Variants in LRP1B observed in about 807,000 individuals in gnomAD.
The protein encoded by LRP1B is LDL receptor related protein 1B.
Under a neutral mutation model 556.6 loss-of-function variants are expected in LRP1B, and 217 were observed. The ratio of observed to expected loss-of-function variants is 0.39; its 90% confidence interval spans 0.35 to 0.44. The LOEUF is 0.44. Ranked by LOEUF, LRP1B falls within the 20% of genes least tolerant of loss-of-function variation. LRP1B has a pLI of 1.00. For missense variants in LRP1B, 5,053 were observed against 5,620.8 expected, an observed-to-expected ratio of 0.90 and a Z score of 3.23; for synonymous variants, 2,047 against 1,865.8, an observed-to-expected ratio of 1.10 and a Z score of -2.50.
rs535444462 is a variant in LRP1B at position 140,759,865 on chromosome 2, C to G, written c.5758+9348G>C. Among the ~76,000 whole-genome samples the G allele has an allele frequency of 7.9e-5, 12 of 152,254 alleles. 1 individual carries two copies. Among genetic ancestry groups the G allele is most frequent in the Admixed American group, 7.8e-4 (12 of 15,290 alleles). On this transcript the variant is annotated intron_variant, in intron 35 of 90. Coordinates refer to ENST00000389484, the MANE Select transcript of LRP1B (RefSeq NM_018557.3). ...GCATACAAATACAAATGCACAAATA[C>G]AAATACACAATTTCCCAGGCAATCC...
chr2:141,168,026 A>T (rs779610494), intron 7 of LRP1B, among the ~76,000 whole-genome samples: 1 of 152,092 alleles, frequency 6.6e-6, no homozygotes, highest in Non-Finnish European at 1.5e-5. Context: ...AATGGAAAGT[A>T]TAGTATAATA....
chr2:140,824,749 T>C (rs1009794923), intron 31 of LRP1B, among the ~76,000 whole-genome samples: 2 of 152,134 alleles, frequency 1.3e-5, no homozygotes, highest in Non-Finnish European at 2.9e-5. Flanking sequence ...TGAATCCATA[T>C]CCAGGTCACC....
chr2:141,137,979 T>C (rs1262137678), intron 7 of LRP1B, among the ~76,000 whole-genome samples: 1 of 151,694 alleles, frequency 6.6e-6, no homozygotes, highest in Admixed American at 6.6e-5. Context: ...CAGACAAAAG[T>C]GTTATAAAAA....
intron 2 of LRP1B, among the ~76,000 whole-genome samples, chr2:141,749,295 G>C (rs112749133): frequency 8.0e-4 from 122 of 152,134 alleles, no homozygotes; most frequent in Non-Finnish European, 1.5e-3. Context: ...TTTACTAAGG[G>C]CACCCTATTG....
At chr2:141,456,009 T>C (rs79862258) in intron 3 of LRP1B, among the ~76,000 whole-genome samples, 4,215 of 152,248 alleles carry the variant, frequency 0.028, 92 homozygotes, top group Middle Eastern at 0.065. Flanking sequence ...TCTGGCTGAG[T>C]ACAAACAGCA....
chr2:141,770,607 C>T (rs1309284079), intron 2 of LRP1B, among the ~76,000 whole-genome samples: 2 of 152,160 alleles, frequency 1.3e-5, no homozygotes, highest in African/African-American at 4.8e-5. Context: ...AACATGTTCT[C>T]TTTCCAAAAG....
chr2:140,934,192 T>G (rs1292121487), intron 20 of LRP1B, among the ~76,000 whole-genome samples: 1 of 151,794 alleles, frequency 6.6e-6, no homozygotes, highest in Non-Finnish European at 1.5e-5. Context: ...TAAAAGTAAA[T>G]AGTCAAAAAA....
intron 7 of LRP1B, among the ~76,000 whole-genome samples, chr2:141,174,942 C>T (rs191496777): frequency 6.6e-6 from 1 of 152,180 alleles, no homozygotes; most frequent in East Asian, 1.9e-4. Context: ...TAGGAACTTA[C>T]TGGGAACTAG....
At chr2:140,768,365 A>G (rs1280966938) in intron 35 of LRP1B, among the ~76,000 whole-genome samples, 6 of 152,058 alleles carry the variant, frequency 3.9e-5, no homozygotes, top group Admixed American at 3.3e-4. Context: ...TTTTAACATT[A>G]GATCAAACTA....
At chr2:141,667,100 A>G (rs989813369) in intron 2 of LRP1B, among the ~76,000 whole-genome samples, 3 of 152,020 alleles carry the variant, frequency 2.0e-5, no homozygotes, top group Non-Finnish European at 4.4e-5. Context: ...CATTATTTAC[A>G]TATTCTCCTG....
At chr2:140,398,231 C>T (rs1184121753) in intron 66 of LRP1B, among the ~76,000 whole-genome samples, 2 of 151,806 alleles carry the variant, frequency 1.3e-5, no homozygotes, top group East Asian at 1.9e-4. Flanking sequence ...AAAATTTTAT[C>T]TAAATTATTA....
chr2:141,227,399 T>G (rs978708028), intron 6 of LRP1B, among the ~76,000 whole-genome samples: 5 of 152,196 alleles, frequency 3.3e-5, no homozygotes. Flanking sequence ...TGTGTTCAGT[T>G]TCTAGCTGCT....
chr2:140,751,592 A>T (rs1688581917), intron 35 of LRP1B, among the ~76,000 whole-genome samples: 1 of 152,186 alleles, frequency 6.6e-6, no homozygotes, highest in Non-Finnish European at 1.5e-5. Context: ...TATTTTTCCC[A>T]CACAGATGTC....
chr2:140,243,320 CA>C (rs946548766), intron 87 of LRP1B, among the ~76,000 whole-genome samples: 1 of 150,666 alleles, frequency 6.6e-6, no homozygotes, highest in African/African-American at 2.4e-5. Flanking sequence ...GTAAATTAAT[CA>C]AGCAGAATAG....
rs1466707127 is a variant in LRP1B, at chr2:141,551,949, C to A, written c.206-71416G>T. Among the ~76,000 whole-genome samples the A allele has an allele frequency of 2.6e-5, 4 of 152,120 alleles. No individual in the cohort carries two copies. In the East Asian group the frequency reaches 7.7e-4, roughly 29 times the overall value. On this transcript the variant is annotated intron_variant, in intron 2 of 90. Transcript: ENST00000389484. The stretch of plus-strand genomic sequence containing the variant: ...ACTACTTAAAATTAAGATGCCTCTA[C>A]CCCCTAAATAGCCTATTATTTGACT...
chr2:141,036,032 C>T (rs1484963804), intron 11 of LRP1B, among the ~76,000 whole-genome samples: 1 of 151,976 alleles, frequency 6.6e-6, no homozygotes, highest in Non-Finnish European at 1.5e-5. Flanking sequence ...ATGCAGAAAG[C>T]CACAAAAGAA....
At chr2:142,129,034 A>G (rs939762710) in intron 1 of LRP1B, among the ~76,000 whole-genome samples, 5 of 152,208 alleles carry the variant, frequency 3.3e-5, no homozygotes, top group Non-Finnish European at 5.9e-5. Context: ...TCAATCAGGA[A>G]GAGCCCAATA....
intron 3 of LRP1B, among the ~76,000 whole-genome samples, chr2:141,340,752 C>T (rs994842934): frequency 1.3e-5 from 2 of 152,012 alleles, no homozygotes; most frequent in African/African-American, 4.8e-5. Flanking sequence ...CAGTCAATAC[C>T]CCTTGAAAAG....
intron 1 of LRP1B, among the ~76,000 whole-genome samples, chr2:141,886,362 C>T (rs558239395): frequency 6.6e-5 from 10 of 152,216 alleles, no homozygotes; most frequent in East Asian, 1.9e-4. Context: ...AAATTATACT[C>T]ATGATTTTCT....
Sources: allele counts gnomAD v4.1 joint callset (sites outside exome capture counted in the v4.1 genomes callset), GRCh38; gene constraint gnomAD v4.1.1; transcripts MANE v1.5; gene names NCBI Gene and HGNC (gene_info 2026-07-23, HGNC 2026-07-21).